Variants in SLC24A3 observed in about 807,000 individuals in gnomAD.
SLC24A3 encodes solute carrier family 24 member 3.
A neutral mutation model predicts 75.8 loss-of-function variants in SLC24A3; 28 were observed. The observed-to-expected ratio is 0.37, with a 90% CI of 0.27 to 0.51. The LOEUF (loss-of-function observed/expected upper bound fraction) is 0.51. Ranked by LOEUF, SLC24A3 falls within the 20% of genes least tolerant of loss-of-function variation. SLC24A3 has a pLI of 0.94. For missense variants in SLC24A3, 663 were observed against 847.8 expected, an observed-to-expected ratio of 0.78 and a Z score of 2.71; for synonymous variants, 372 against 334.1, an observed-to-expected ratio of 1.11 and a Z score of -1.24.
intron 2 of SLC24A3, among the ~76,000 whole-genome samples, chr20:19,469,850 A>T (rs1987837041): frequency 6.6e-6 from 1 of 152,200 alleles, no homozygotes; most frequent in South Asian, 2.1e-4. Flanking sequence ...GGCTGTGGTC[A>T]CATGCCCATT....
At chr20:19,228,585 C>A (rs938428610) in intron 1 of SLC24A3, among the ~76,000 whole-genome samples, 2 of 151,606 alleles carry the variant, frequency 1.3e-5, no homozygotes, top group Non-Finnish European at 1.5e-5. Flanking sequence ...GCGGAGCTTG[C>A]AGTGAGCTGA....
intron 3 of SLC24A3, among the ~76,000 whole-genome samples, chr20:19,560,404 G>A (rs2030857074): frequency 6.6e-6 from 1 of 152,206 alleles, no homozygotes; most frequent in Non-Finnish European, 1.5e-5. Context: ...CTCCGCACAT[G>A]GGCTGAGAAA....
In SLC24A3 at chr20:19,657,000, A is replaced by G. The variant is rs565652838; in HGVS notation, c.687+2864A>G. On this transcript the variant is annotated intron_variant, in intron 7 of 16. Transcript: ENST00000328041. The stretch of plus-strand genomic sequence containing the variant: ...CCGAGCCTGGTCTTTGGGCAAAGCA[A>G]TCATCTGCCCTCAGGGTGCAGCATA... 1.1e-4 allele frequency among the ~76,000 whole-genome samples: 17 copies of G among 152,322 alleles called. No homozygotes were observed. In the East Asian group the frequency reaches 3.3e-3, roughly 29 times the overall value.
chr20:19,447,326 T>C (rs1987403910), intron 2 of SLC24A3, among the ~76,000 whole-genome samples: 1 of 152,060 alleles, frequency 6.6e-6, no homozygotes, highest in African/African-American at 2.4e-5. Flanking sequence ...ACGGGCGTGG[T>C]GTCAAATTCC....
chr20:19,685,491 C>G, intron 12 of SLC24A3, 130 bp downstream of exon 12: 1 of 1,402,084 alleles, frequency 7.1e-7, no homozygotes, highest in Non-Finnish European at 9.7e-7. Flanking sequence ...CTATGTATAT[C>G]AAGTCTCCTT....
At chr20:19,345,374 T>C (rs1985366948) in intron 2 of SLC24A3, among the ~76,000 whole-genome samples, 1 of 152,190 alleles carries the variant, frequency 6.6e-6, no homozygotes, top group Admixed American at 6.5e-5. Context: ...ATCTCAGTAA[T>C]TTATTTTGTG....
At chr20:19,587,966 T>C (rs966694101) in intron 6 of SLC24A3, among the ~76,000 whole-genome samples, 19 of 152,290 alleles carry the variant, frequency 1.2e-4, no homozygotes, top group Admixed American at 7.2e-4. Context: ...AACTCATTGA[T>C]GGAACTTATC....
intron 3 of SLC24A3, among the ~76,000 whole-genome samples, chr20:19,532,074 C>G (rs1191415153): frequency 1.3e-5 from 2 of 152,210 alleles, no homozygotes; most frequent in Non-Finnish European, 2.9e-5. Context: ...GAGGGCAGCC[C>G]TCTTCCCATG....
rs529771940 is a variant in SLC24A3 at position 19,238,914 on chromosome 20, C to CA, written c.142+25937dup. 2.0e-4 allele frequency among the ~76,000 whole-genome samples: 31 copies of CA among 151,710 alleles called. No homozygotes were observed. The South Asian group carries it at 6.1e-3, about 30-fold the overall frequency. ...TTTCACTTCTCCCCTCCACTTCACC[C>CA]AAAAAAAGGAGTTTTATTCCCATCC... On this transcript the variant is annotated intron_variant, in intron 1 of 16. Transcript: ENST00000328041.
intron 3 of SLC24A3, among the ~76,000 whole-genome samples, chr20:19,577,339 G>A (rs2031153415): frequency 6.6e-6 from 1 of 152,186 alleles, no homozygotes; most frequent in Non-Finnish European, 1.5e-5. Context: ...ACAGGCATGA[G>A]CCACCGTGCC....
chr20:19,282,677 A>G (rs1172930960), intron 2 of SLC24A3, among the ~76,000 whole-genome samples: 1 of 152,260 alleles, frequency 6.6e-6, no homozygotes, highest in African/African-American at 2.4e-5. Flanking sequence ...AAGCCCAGGT[A>G]TCACTTCTGG....
intron 2 of SLC24A3, among the ~76,000 whole-genome samples, chr20:19,441,413 A>C (rs146301648): frequency 4.6e-5 from 7 of 152,238 alleles, no homozygotes; most frequent in Non-Finnish European, 7.4e-5. Flanking sequence ...GTTAGCATGG[A>C]CTCAATGCAC....
At chr20:19,351,305 CTTG>C (rs548431031) in intron 2 of SLC24A3, among the ~76,000 whole-genome samples, 21 of 152,224 alleles carry the variant, frequency 1.4e-4, no homozygotes, top group Non-Finnish European at 2.8e-4. Context: ...AAAGCTGAAG[CTTG>C]TTGTTGCTAT....
chr20:19,350,654 T>G (rs1985545800), intron 2 of SLC24A3, among the ~76,000 whole-genome samples: 1 of 152,206 alleles, frequency 6.6e-6, no homozygotes. Flanking sequence ...GAGGAAACTG[T>G]TATGATCTAA....
intron 6 of SLC24A3, among the ~76,000 whole-genome samples, chr20:19,607,005 C>T (rs976012676): frequency 1.3e-5 from 2 of 152,282 alleles, no homozygotes; most frequent in Admixed American, 6.5e-5. Context: ...AGAATGTAGG[C>T]ATAGAAGAGG....
chr20:19,286,415 A>C (rs943048880), intron 2 of SLC24A3, among the ~76,000 whole-genome samples: 4 of 152,182 alleles, frequency 2.6e-5, no homozygotes, highest in Admixed American at 2.0e-4. Context: ...GGCCATGAAC[A>C]GTGTCAGGAT....
At chr20:19,267,346 A>G (rs1006567763) in intron 1 of SLC24A3, among the ~76,000 whole-genome samples, 14 of 152,214 alleles carry the variant, frequency 9.2e-5, no homozygotes, top group African/African-American at 3.4e-4. Flanking sequence ...GAAAAGCACT[A>G]TGGGCTATAA....
At chr20:19,467,710 A>T (rs1286015717) in intron 2 of SLC24A3, among the ~76,000 whole-genome samples, 1 of 152,036 alleles carries the variant, frequency 6.6e-6, no homozygotes, top group African/African-American at 2.4e-5. Flanking sequence ...GTGAAACCCC[A>T]TCTCCACTAA....
At chr20:19,459,582 A>G (rs4568015) in intron 2 of SLC24A3, among the ~76,000 whole-genome samples, 82,673 of 151,896 alleles carry the variant, frequency 0.54, 22,753 homozygotes, top group Non-Finnish European at 0.58. Flanking sequence ...AATATTCAAT[A>G]GAACCTTCAT....
Sources: gnomAD v4.1 joint callset for allele counts (sites outside exome capture counted in the v4.1 genomes callset) on GRCh38, gnomAD v4.1.1 for gene constraint, MANE v1.5 for transcripts, NCBI Gene and HGNC (gene_info 2026-07-23, HGNC 2026-07-21) for gene names.